PCDH15: variants seen among roughly 807,000 people sequenced by gnomAD.
PCDH15 encodes protocadherin-15.
Under a neutral mutation model 178.5 loss-of-function variants are expected in PCDH15, and 129 were observed. The observed-to-expected ratio is 0.72, with a 90% CI of 0.63 to 0.84. PCDH15 has a LOEUF of 0.84. PCDH15 is among the 40% of genes least tolerant of loss of function. The pLI, the probability that PCDH15 is intolerant of heterozygous loss-of-function variation, is 0.00. For synonymous variants in PCDH15, 800 were observed against 732.0 expected (o/e 1.09, Z -1.50); for missense variants, 2,230 against 2,099.9 (o/e 1.06, Z -1.21).
At chr10:54,013,742 C>T (rs1263442923) in intron 20 of PCDH15, among the ~76,000 whole-genome samples, 1 of 151,986 alleles carries the variant, frequency 6.6e-6, no homozygotes, top group Non-Finnish European at 1.5e-5. Flanking sequence ...ATCTCTGGGG[C>T]ACAGCTAAAG....
intron 2 of PCDH15, among the ~76,000 whole-genome samples, chr10:55,561,989 C>T (rs549948986): frequency 2.0e-5 from 3 of 152,026 alleles, no homozygotes; most frequent in African/African-American, 7.2e-5. Flanking sequence ...TAGTCATTAA[C>T]TGACAAAGCT....
intron 2 of PCDH15, among the ~76,000 whole-genome samples, chr10:55,036,227 C>T (rs1248502295): frequency 6.6e-6 from 1 of 152,134 alleles, no homozygotes; most frequent in Non-Finnish European, 1.5e-5. Context: ...AGATGCTGAC[C>T]TCTTATTCTT....
At chr10:54,343,877 A>G (rs61855471) in intron 6 of PCDH15, among the ~76,000 whole-genome samples, 49,431 of 151,810 alleles carry the variant, frequency 0.33, 9,067 homozygotes, top group African/African-American at 0.51. Flanking sequence ...GCTCAATTTA[A>G]TTATTCCAAT....
chr10:55,146,857 G>T (rs548806077), intron 2 of PCDH15, among the ~76,000 whole-genome samples: 1 of 25,258 alleles, frequency 4.0e-5, no homozygotes, highest in East Asian at 5.5e-4. Context: ...TACTTTTACT[G>T]ACTTATGATT....
chr10:54,291,320 G>T (rs1419202341), intron 8 of PCDH15, among the ~76,000 whole-genome samples: 2 of 152,200 alleles, frequency 1.3e-5, no homozygotes, highest in Non-Finnish European at 2.9e-5. Flanking sequence ...CACATTTAAA[G>T]CAATGTGTAG....
intron 3 of PCDH15, among the ~76,000 whole-genome samples, chr10:54,492,710 G>C (rs2079713559): frequency 6.6e-6 from 1 of 152,112 alleles, no homozygotes; most frequent in East Asian, 1.9e-4. Context: ...TTAAGAGACA[G>C]ACTACATTCA....
Position 54,097,481 on chromosome 10 carries a change from T to A in PCDH15, c.1918-7418A>T, listed in dbSNP as rs146852541. ...CACTTTCTTTGTGAAATAATCACTA[T>A]CAAATTGTATTTTCCCATGCACTTC... On this transcript the variant is annotated intron_variant, in intron 15 of 37. Transcript: ENST00000644397. 1.2e-4 allele frequency among the ~76,000 whole-genome samples: 19 copies of A among 152,302 alleles called. No individual in the cohort carries two copies. In the East Asian group the frequency reaches 3.7e-3, roughly 29 times the overall value.
chr10:54,207,364 TTGTGTGTGTGTGTATGTGTGTGTG>T (rs1360998259), intron 10 of PCDH15, among the ~76,000 whole-genome samples: 10 of 87,586 alleles, frequency 1.1e-4, no homozygotes, highest in South Asian at 8.3e-4. Context: ...CTGTTTTGTT[TTGTGTGTGTGTGTATGTGTGTGTG>T]TGTGTGTGTG....
chr10:54,533,603 A>T (rs1589943030), intron 2 of PCDH15, among the ~76,000 whole-genome samples: 1 of 152,220 alleles, frequency 6.6e-6, no homozygotes, highest in Non-Finnish European at 1.5e-5. Flanking sequence ...AAGAAATTTC[A>T]AATACTAAAG....
chr10:54,369,290 T>C lies in PCDH15; in HGVS notation c.319-15A>G, dbSNP rs1313132799. On this transcript the variant is annotated splice_polypyrimidine_tract_variant and intron_variant, in intron 4 of 37. Transcript: ENST00000644397. ...TTCATCGGTGGCTGCAATGTAGAAA[T>C]TGCATCTTTTAAAATACTAATTAAA... The C allele has an allele frequency of 5.6e-6, 9 of 1,611,028 alleles. No homozygotes were observed. The highest frequency in any genetic ancestry group is 4.5e-5 in the East Asian group (2 of 44,750).
chr10:54,110,116 G>A (rs1395713214), intron 15 of PCDH15, among the ~76,000 whole-genome samples: 8 of 152,094 alleles, frequency 5.3e-5, no homozygotes, highest in Non-Finnish European at 8.8e-5. Flanking sequence ...CGTGGTTGTC[G>A]GTGGGGTGAG....
intron 3 of PCDH15, among the ~76,000 whole-genome samples, chr10:54,402,930 CA>C (rs1213004610): frequency 6.6e-6 from 1 of 151,856 alleles, no homozygotes; most frequent in African/African-American, 2.4e-5. Context: ...CACCTTAAAT[CA>C]AAAACTAGAA....
rs74865522 is a variant in PCDH15 at position 55,593,268 on chromosome 10, C to T, written c.-156+34357G>A. Among the ~76,000 whole-genome samples, 1,275 of 151,834 alleles carry T rather than the reference C, an allele frequency of 8.4e-3. 9 individuals are homozygous for T. The highest frequency in any genetic ancestry group is 0.01 in the Admixed American group (154 of 15,226). ...GCTAACAAGACAGTTTTGAAACTTCCGAAAACGAAAATGTTGTTAGGTAAT... is the reference window on the plus strand; with the variant it reads ...GCTAACAAGACAGTTTTGAAACTTCTGAAAACGAAAATGTTGTTAGGTAAT... On this transcript the variant is annotated intron_variant, in intron 2 of 5. Coordinates refer to the PCDH15 transcript ENST00000613346.
At chr10:54,073,739 T>G (rs902504374) in intron 17 of PCDH15, among the ~76,000 whole-genome samples, 2 of 152,188 alleles carry the variant, frequency 1.3e-5, no homozygotes, top group African/African-American at 4.8e-5. Context: ...AAAATAATAT[T>G]GCTGAACACA....
intron 2 of PCDH15, among the ~76,000 whole-genome samples, chr10:55,379,203 T>TA (rs1255494971): frequency 1.3e-5 from 2 of 151,986 alleles, no homozygotes; most frequent in African/African-American, 4.8e-5. Context: ...GCCTTTCCCC[T>TA]ACAGATGTAA....
At chr10:55,569,569 G>T (rs1842367284) in intron 2 of PCDH15, among the ~76,000 whole-genome samples, 1 of 149,164 alleles carries the variant, frequency 6.7e-6, no homozygotes. Context: ...ATTTTTCAAA[G>T]AATTTTCTAA....
Position 55,397,190 on chromosome 10 carries a change from G to A in PCDH15, c.-156+230435C>T, listed in dbSNP as rs1837950728. On this transcript the variant is annotated intron_variant, in intron 2 of 5. Coordinates refer to the PCDH15 transcript ENST00000613346. ...GAATCATTTTTAACATATCTCCTTG[G>A]TTAGTATTCATTATACTCAAAGCTT... Among the ~76,000 whole-genome samples, 3 of 152,038 alleles carry A rather than the reference G, an allele frequency of 2.0e-5. No individual in the cohort carries two copies. In the South Asian group the frequency reaches 6.2e-4, roughly 32 times the overall value.
intron 3 of PCDH15, among the ~76,000 whole-genome samples, chr10:54,819,344 T>C (rs1425705348): frequency 6.6e-6 from 1 of 152,088 alleles, no homozygotes; most frequent in Non-Finnish European, 1.5e-5. Flanking sequence ...AATGTTCATA[T>C]TTAATCATTT....
chr10:53,980,791 T>C (rs1052348501), intron 21 of PCDH15, among the ~76,000 whole-genome samples: 2 of 152,230 alleles, frequency 1.3e-5, no homozygotes, highest in Non-Finnish European at 2.9e-5. Flanking sequence ...AATTTTCATA[T>C]ACTCTAGAGT....
Sources: gnomAD v4.1 joint callset for allele counts (sites outside exome capture counted in the v4.1 genomes callset) on GRCh38, gnomAD v4.1.1 for gene constraint, MANE v1.5 for transcripts, NCBI Gene and HGNC (gene_info 2026-07-23, HGNC 2026-07-21) for gene names.